SLC38A10: variants seen among roughly 807,000 people sequenced by gnomAD.
SLC38A10 encodes solute carrier family 38 member 10.
Under a neutral mutation model 81.0 loss-of-function variants are expected in SLC38A10, and 53 were observed. That is an observed-to-expected ratio of 0.65 (90% CI 0.53 to 0.82). The LOEUF (loss-of-function observed/expected upper bound fraction) is 0.82. SLC38A10 is among the 40% of genes least tolerant of loss of function. SLC38A10 has a pLI of 0.00. For missense variants in SLC38A10, 1,471 were observed against 1,545.0 expected (o/e 0.95, Z 0.80); for synonymous variants, 665 against 655.3 (o/e 1.01, Z -0.23).
At chr17:81,254,522 A>C (rs1168026518) in intron 11 of SLC38A10, among the ~76,000 whole-genome samples, 2 of 152,176 alleles carry the variant, frequency 1.3e-5, no homozygotes, top group Non-Finnish European at 2.9e-5. Context: ...ATTTCGGCTC[A>C]CTGCAACCTC....
Position 81,289,603 on chromosome 17 carries a change from G to T in SLC38A10, c.217+88C>A, listed in dbSNP as rs2146958117. On this transcript the variant is annotated intron_variant, in intron 2 of 15. Transcript: ENST00000374759. This position sits in a 1 kb window ranked among gnomAD's most constrained non-coding sequence, Gnocchi z 5.9. ...CCCTGCTATCCAAGGAATTCTTGAAGAATCAAGTAGAGTAAATAAATAAAT... is the reference window on the plus strand; with the variant it reads ...CCCTGCTATCCAAGGAATTCTTGAATAATCAAGTAGAGTAAATAAATAAAT... 2.3e-6 allele frequency: 2 copies of T among 878,858 alleles called. No homozygotes were observed. Among genetic ancestry groups the T allele is most frequent in the Non-Finnish European group, 3.2e-6 (2 of 623,686 alleles). The allele number at this position is 878,858 out of a possible 1,614,324, so 54.4% of individuals were successfully genotyped here.
At chr17:81,264,882 G>C (rs1392375489) in intron 10 of SLC38A10, 2 of 152,230 alleles carry the variant, frequency 1.3e-5, no homozygotes, top group African/African-American at 4.8e-5. Context: ...GCAGGGGCCA[G>C]CTTTCAGGCC....
At chr17:81,293,656 A>G (rs887729321) in intron 1 of SLC38A10, among the ~76,000 whole-genome samples, 2 of 152,102 alleles carry the variant, frequency 1.3e-5, no homozygotes, top group African/African-American at 2.4e-5. Context: ...TTTTTTTTGT[A>G]GAGACGGGGT....
At chr17:81,284,729 G>T in intron 3 of SLC38A10, 121 bp downstream of exon 3, 1 of 727,206 alleles carries the variant, frequency 1.4e-6, no homozygotes, top group Non-Finnish European at 2.1e-6. Context: ...TGTATTTAGC[G>T]ACTCTTCAGA....
At position 81,245,286 on chromosome 17, in the gene SLC38A10, CG is replaced by C; in HGVS notation, c.*269del. On this transcript the variant is annotated 3_prime_UTR_variant, in exon 16 of 16. Transcript: ENST00000374759. ...GCACCAGCCAGCTCGCAGCGGAGGC[CG>C]TTTCTCCTCACAGGCTGGAGTGAGC... 2.4e-6 allele frequency: 1 copy of C among 409,338 alleles called. No homozygotes were observed. 25.4% of individuals were successfully genotyped at this position (409,338 alleles called of 1,614,324 possible). A position where few individuals can be genotyped will look rare whatever the true frequency, so the allele number is the denominator to read the frequency against.
chr17:81,261,269 G>A (rs569201556), intron 10 of SLC38A10, among the ~76,000 whole-genome samples: 5 of 152,302 alleles, frequency 3.3e-5, no homozygotes, highest in Non-Finnish European at 7.3e-5. Flanking sequence ...CTATGTTAGC[G>A]AACACACTGG....
At position 81,283,692 on chromosome 17, in the gene SLC38A10, C is replaced by T. The variant is rs1332162021; in HGVS notation, c.264-190G>A. 6.6e-6 allele frequency among the ~76,000 whole-genome samples: 1 copy of T among 151,366 alleles called. No homozygotes were observed. The highest frequency in any genetic ancestry group is 6.6e-5 in the Admixed American group (1 of 15,200). On this transcript the variant is annotated intron_variant, in intron 3 of 15. Transcript: ENST00000374759. The surrounding 1 kb of genome is among the most constrained non-coding windows in gnomAD (Gnocchi z 4.7). ...GCAATGGTGAGATCTCGGCTCACTG[C>T]AAGCTCCGCCTCCCAGGTTCACGCC... is the stretch of plus-strand genomic sequence containing the variant.
intron 2 of SLC38A10, among the ~76,000 whole-genome samples, chr17:81,287,643 C>T (rs930314833): frequency 6.6e-5 from 10 of 152,212 alleles, no homozygotes; most frequent in African/African-American, 2.4e-4. Context: ...AAGTGGACTG[C>T]GGTCACCCCA....
chr17:81,280,267 G>GT (rs2146942300), intron 6 of SLC38A10: 3 of 451,518 alleles, frequency 6.6e-6, no homozygotes, highest in Non-Finnish European at 1.3e-5. Flanking sequence ...AATATTCTCA[G>GT]AACAGCTAAA....
At position 81,283,617 on chromosome 17, in the gene SLC38A10, CTT is replaced by C. The variant is rs111438281; in HGVS notation, c.264-117_264-116del. ...GAATGACAGATGTGATTTCTTTTTT[CTT>C]TTTTTTTTTTTTGAAACAGAGTCTC... On this transcript the variant is annotated intron_variant, in intron 3 of 15. Coordinates refer to ENST00000374759, the MANE Select transcript of SLC38A10 (RefSeq NM_001037984.3). This position sits in a 1 kb window ranked among gnomAD's most constrained non-coding sequence, Gnocchi z 4.7. The C allele has an allele frequency of 7.9e-3, 3,970 of 504,692 alleles. No individual in the cohort carries two copies. The highest frequency in any genetic ancestry group is 0.016 in the East Asian group (388 of 24,806). The allele number at this position is 504,692 out of a possible 1,614,324, so 31.3% of individuals were successfully genotyped here.
intron 10 of SLC38A10, 45 bp from the exon 11 acceptor site, chr17:81,260,439 C>A: frequency 6.4e-7 from 1 of 1,570,736 alleles, no homozygotes; most frequent in Non-Finnish European, 8.6e-7. Flanking sequence ...AGCTGGCCCC[C>A]GCCCCTGCCC....
chr17:81,273,136 G>A (rs868212187), intron 8 of SLC38A10, among the ~76,000 whole-genome samples: 1 of 152,226 alleles, frequency 6.6e-6, no homozygotes, highest in African/African-American at 2.4e-5. Flanking sequence ...AGTCCAGGAA[G>A]AAGAAGAGAG....
At chr17:81,280,288 G>A (rs2063198722) in intron 6 of SLC38A10, 5 of 475,548 alleles carry the variant, frequency 1.1e-5, no homozygotes, top group Non-Finnish European at 2.0e-5. Flanking sequence ...TTCTGGCGAA[G>A]CGCTCGACTC....
intron 8 of SLC38A10, among the ~76,000 whole-genome samples, chr17:81,274,300 G>C (rs2063142227): frequency 6.6e-6 from 1 of 152,232 alleles, no homozygotes; most frequent in Non-Finnish European, 1.5e-5. Flanking sequence ...TGCGAAGCCA[G>C]AGGCACGTGG....
intron 11 of SLC38A10, among the ~76,000 whole-genome samples, chr17:81,256,572 G>A (rs1282053483): frequency 1.3e-5 from 2 of 152,212 alleles, no homozygotes; most frequent in South Asian, 2.1e-4. Context: ...TCCCACGGAC[G>A]GAGTGCCTCA....
At chr17:81,260,824 G>C (rs951944184) in intron 10 of SLC38A10, among the ~76,000 whole-genome samples, 9 of 152,370 alleles carry the variant, frequency 5.9e-5, no homozygotes, top group African/African-American at 2.2e-4. Flanking sequence ...CAGAGGCTGA[G>C]CACTGCCCAA....
intron 10 of SLC38A10, among the ~76,000 whole-genome samples, chr17:81,269,841 G>A (rs978757035): frequency 1.3e-5 from 2 of 152,016 alleles, no homozygotes; most frequent in Admixed American, 6.5e-5. Flanking sequence ...AAATTAGCCC[G>A]GCGTGGTGGC....
At chr17:81,280,482 A>G in intron 6 of SLC38A10, 127 bp downstream of exon 6, 1 of 1,407,354 alleles carries the variant, frequency 7.1e-7, no homozygotes. Context: ...TCATCACTGA[A>G]CAAGACATCA....
rs753450964 is a variant in SLC38A10, at chr17:81,245,526, G to A, written c.*30C>T. On this transcript the variant is annotated 3_prime_UTR_variant, in exon 16 of 16. Transcript: ENST00000374759. ...CCTGCTGCTGGCCGAGGAGGGCAGTGGCTGGCGTGGCCCTCATGGCCAGCA... is the reference window on the plus strand; with the variant it reads ...CCTGCTGCTGGCCGAGGAGGGCAGTAGCTGGCGTGGCCCTCATGGCCAGCA... 1.3e-5 allele frequency: 20 copies of A among 1,557,572 alleles called. No individual in the cohort carries two copies. In the East Asian group the frequency reaches 3.9e-4, roughly 30 times the overall value.
Sources: gnomAD v4.1 joint callset for allele counts (sites outside exome capture counted in the v4.1 genomes callset) on GRCh38, gnomAD v4.1.1 for gene constraint, Gnocchi (gnomAD v3.1) non-coding constraint, MANE v1.5 for transcripts, NCBI Gene and HGNC (gene_info 2026-07-23, HGNC 2026-07-21) for gene names.